The following MATN2 variants were observed in gnomAD, a reference collection of about 807,000 sequenced individuals.
The protein encoded by MATN2 is matrilin-2.
A neutral mutation model predicts 103.2 loss-of-function variants in MATN2; 69 were observed. That is an observed-to-expected ratio of 0.67 (90% CI 0.55 to 0.82). MATN2 has a LOEUF of 0.82. Among genes scored for constraint, MATN2 ranks in the 40% least tolerant of loss-of-function variants. MATN2 has a pLI of 0.00. For missense variants in MATN2, 1,023 were observed against 1,211.5 expected (o/e 0.84, Z 2.31); for synonymous variants, 429 against 450.2 (o/e 0.95, Z 0.60).
intron 6 of MATN2, among the ~76,000 whole-genome samples, chr8:97,990,269 T>C (rs866677446): frequency 1.3e-5 from 2 of 150,176 alleles, no homozygotes; most frequent in African/African-American, 4.9e-5. Context: ...TATATAGAGA[T>C]GGCGAAGAAG....
At chr8:97,935,642 A>G (rs760317719) in intron 3 of MATN2, among the ~76,000 whole-genome samples, 16 of 152,112 alleles carry the variant, frequency 1.1e-4, no homozygotes, top group Admixed American at 2.0e-4. Context: ...GTGCGCCGCC[A>G]TGACTGAATA....
At chr8:97,918,123 A>G (rs1270860332) in intron 2 of MATN2, among the ~76,000 whole-genome samples, 2 of 152,162 alleles carry the variant, frequency 1.3e-5, no homozygotes, top group Non-Finnish European at 2.9e-5. Flanking sequence ...AGTTTTAGAA[A>G]TACTAATTTT....
At chr8:97,880,648 T>C (rs1818224400) in intron 1 of MATN2, among the ~76,000 whole-genome samples, 1 of 152,190 alleles carries the variant, frequency 6.6e-6, no homozygotes, top group Admixed American at 6.5e-5. Context: ...AAAGCTAACT[T>C]AACTCTTTGT....
In MATN2 at chr8:97,981,184, T is replaced by TAA. The variant is rs34391429; in HGVS notation, c.1081+2188_1081+2189dup. ...TGGAGGACACAGTAAGACCTTGTCTTAAAAAAAAAAAAAGGCTAAAAAGGG... is the reference window on the plus strand; with the variant it reads ...TGGAGGACACAGTAAGACCTTGTCTTAAAAAAAAAAAAAAAGGCTAAAAAGGG... On this transcript the variant is annotated intron_variant, in intron 6 of 18. Coordinates refer to ENST00000254898, the MANE Select transcript of MATN2 (RefSeq NM_002380.5). 7.7e-3 allele frequency among the ~76,000 whole-genome samples: 1,098 copies of TAA among 143,118 alleles called. 12 individuals are homozygous for TAA. The highest frequency in any genetic ancestry group is 0.032 in the Middle Eastern group (9 of 280). 93.9% of individuals were successfully genotyped at this position (143,118 alleles called of 152,430 possible).
intron 6 of MATN2, among the ~76,000 whole-genome samples, chr8:97,991,354 T>C (rs1250646880): frequency 6.6e-6 from 1 of 152,048 alleles, no homozygotes; most frequent in Non-Finnish European, 1.5e-5. Flanking sequence ...CCTGGGCTCA[T>C]GAGATCTCCT....
intron 2 of MATN2, among the ~76,000 whole-genome samples, chr8:97,926,419 A>G (rs1301026124): frequency 6.6e-6 from 1 of 152,196 alleles, no homozygotes; most frequent in Non-Finnish European, 1.5e-5. Flanking sequence ...CAAATGTTTT[A>G]GAGTGTTCCC....
rs1368185435 is a variant in MATN2 at position 97,994,283 on chromosome 8, AAGG to A, written c.1082-194_1082-192del. ...GAGGGAAGAAGGAGAAGAAGGAAAG[AAGG>A]AGAAGAAGTTTCTCTTAGGAGAGGC... On this transcript the variant is annotated intron_variant, in intron 6 of 18. Coordinates refer to ENST00000254898, the MANE Select transcript of MATN2 (RefSeq NM_002380.5). 6.1e-5 allele frequency among the ~76,000 whole-genome samples: 9 copies of A among 148,644 alleles called. No homozygotes were observed. The East Asian group carries it at 1.8e-3, about 30-fold the overall frequency.
intron 7 of MATN2, among the ~76,000 whole-genome samples, chr8:98,001,462 C>CTTTT (rs35005441): frequency 1.7e-5 from 2 of 118,920 alleles, no homozygotes; most frequent in Non-Finnish European, 1.7e-5. Flanking sequence ...ACACTTTTGT[C>CTTTT]TTTTTTTTTT....
At chr8:97,981,314 T>C (rs931698338) in intron 6 of MATN2, among the ~76,000 whole-genome samples, 2 of 151,666 alleles carry the variant, frequency 1.3e-5, no homozygotes, top group African/African-American at 4.8e-5. Flanking sequence ...TCCTAGCTCA[T>C]TGCAGCTTCC....
intron 7 of MATN2, among the ~76,000 whole-genome samples, chr8:97,996,431 T>C (rs1200923884): frequency 2.0e-5 from 3 of 152,204 alleles, no homozygotes; most frequent in African/African-American, 7.2e-5. Flanking sequence ...GGTGGGCCTG[T>C]TTGCAAGCAA....
At chr8:97,873,641 T>A (rs189238007) in intron 1 of MATN2, among the ~76,000 whole-genome samples, 27 of 152,246 alleles carry the variant, frequency 1.8e-4, no homozygotes, top group Admixed American at 1.5e-3. Context: ...TTTTCACATG[T>A]CTTAAAGACC....
intron 2 of MATN2, among the ~76,000 whole-genome samples, chr8:97,902,177 T>C (rs1238116793): frequency 6.9e-6 from 1 of 145,502 alleles, no homozygotes; most frequent in Non-Finnish European, 1.5e-5. Flanking sequence ...GACATGTATT[T>C]GTTTTTTTTT....
intron 10 of MATN2, among the ~76,000 whole-genome samples, chr8:98,009,228 C>A (rs1009133715): frequency 9.2e-5 from 14 of 152,192 alleles, no homozygotes; most frequent in Non-Finnish European, 1.9e-4. Context: ...AGCTATTCCC[C>A]TAATTGAAGA....
Position 98,032,336 on chromosome 8 carries a change from T to C in MATN2, c.2581+19T>C, listed in dbSNP as rs748844000. Reference sequence around the variant, plus strand: ...CCAACAGGTACAGTTTTTAAGGCAGTGTTTTTAGAAATTTTGGTGGAGGGA... The same window carrying C: ...CCAACAGGTACAGTTTTTAAGGCAGCGTTTTTAGAAATTTTGGTGGAGGGA... On this transcript the variant is annotated intron_variant, in intron 16 of 18. Transcript: ENST00000254898. 4 of 1,595,980 alleles carry C rather than the reference T, an allele frequency of 2.5e-6. No individual in the cohort carries two copies. The highest frequency in any genetic ancestry group is 1.3e-5 in the African/African-American group (1 of 74,694).
chr8:98,011,253 A>G (rs929223534), intron 10 of MATN2, among the ~76,000 whole-genome samples: 1 of 152,104 alleles, frequency 6.6e-6, no homozygotes, highest in Admixed American at 6.5e-5. Context: ...ATTACCTCCC[A>G]AAGACTCCAC....
chr8:97,987,793 T>C (rs1812244901), intron 6 of MATN2, among the ~76,000 whole-genome samples: 1 of 152,098 alleles, frequency 6.6e-6, no homozygotes, highest in African/African-American at 2.4e-5. Flanking sequence ...TGTCTTCATA[T>C]ATTAGACATT....
chr8:97,929,660 T>A (rs1239438817), intron 2 of MATN2, among the ~76,000 whole-genome samples: 1 of 152,216 alleles, frequency 6.6e-6, no homozygotes, highest in East Asian at 1.9e-4. Flanking sequence ...GGACTTAACA[T>A]TTGCCTTTTT....
intron 11 of MATN2, 84 bp downstream of exon 11, chr8:98,016,746 C>T: frequency 6.6e-7 from 1 of 1,514,388 alleles, no homozygotes; most frequent in Non-Finnish European, 9.0e-7. Context: ...TATATCAGTT[C>T]CTCTCAGAAG....
intron 2 of MATN2, among the ~76,000 whole-genome samples, chr8:97,902,218 G>A (rs1020646449): frequency 9.3e-5 from 14 of 150,812 alleles, no homozygotes; most frequent in East Asian, 7.8e-4. Context: ...GTGTTAGGCC[G>A]GGTGTGGTGG....
Sources: allele counts gnomAD v4.1 joint callset (sites outside exome capture counted in the v4.1 genomes callset), GRCh38; gene constraint gnomAD v4.1.1; transcripts MANE v1.5; gene names NCBI Gene and HGNC (gene_info 2026-07-23, HGNC 2026-07-21).